The following DDX31 variants were observed in gnomAD, a reference collection of about 807,000 sequenced individuals.
The protein encoded by DDX31 is DEAD-box helicase 31.
DDX31 carries 70 observed loss-of-function variants against 91.3 expected under a neutral mutation model. The ratio of observed to expected loss-of-function variants is 0.77; its 90% CI spans 0.63 to 0.94. The LOEUF is 0.94. DDX31 is among the 40% of genes least tolerant of loss of function. The pLI is 0.00. For synonymous variants in DDX31, 362 were observed against 350.6 expected (o/e 1.03, Z -0.36); for missense variants, 902 against 925.0 (o/e 0.98, Z 0.32).
chr9:132,647,483 A>G (rs1194024447), intron 11 of DDX31, among the ~76,000 whole-genome samples: 1 of 152,176 alleles, frequency 6.6e-6, no homozygotes, highest in African/African-American at 2.4e-5. Flanking sequence ...CATTTCTCAA[A>G]CTTTCTTGAC....
intron 17 of DDX31, among the ~76,000 whole-genome samples, chr9:132,624,658 C>G (rs1003187116): frequency 2.6e-5 from 4 of 152,170 alleles, no homozygotes; most frequent in Non-Finnish European, 5.9e-5. Flanking sequence ...GGGGCCATCA[C>G]CAACTTCTCG....
chr9:132,638,182 C>T, intron 14 of DDX31: 1 of 1,422,172 alleles, frequency 7.0e-7, no homozygotes, highest in South Asian at 1.6e-5. Flanking sequence ...TGACTGCACT[C>T]CATCCAGGGA....
intron 17 of DDX31, among the ~76,000 whole-genome samples, chr9:132,623,782 A>G (rs1186575465): frequency 2.0e-5 from 3 of 152,024 alleles, no homozygotes; most frequent in Non-Finnish European, 4.4e-5. Context: ...ACTCTGCTAC[A>G]CTGCCTCCTC....
intron 5 of DDX31, 119 bp from the exon 6 acceptor site, chr9:132,658,854 G>T: frequency 1.2e-6 from 1 of 864,048 alleles, no homozygotes; most frequent in Non-Finnish European, 1.8e-6. Context: ...TCTAGGGAAA[G>T]GGAAACTGCC....
At chr9:132,611,978 G>A (rs545539027) in intron 19 of DDX31, 109 bp downstream of exon 19, 2 of 1,406,230 alleles carry the variant, frequency 1.4e-6, no homozygotes, top group Non-Finnish European at 1.9e-6. Context: ...ATTGGGAGAA[G>A]GGCAGGTATG....
chr9:132,606,650 T>C (rs981504304), intron 19 of DDX31, among the ~76,000 whole-genome samples: 6 of 152,140 alleles, frequency 3.9e-5, no homozygotes, highest in African/African-American at 1.4e-4. Context: ...GTACCTCCCT[T>C]TGAGGCCAGA....
intron 18 of DDX31, among the ~76,000 whole-genome samples, chr9:132,613,312 A>T (rs1016396102): frequency 6.6e-6 from 1 of 152,286 alleles, no homozygotes; most frequent in Non-Finnish European, 1.5e-5. Flanking sequence ...AAAACTACTA[A>T]GTCTCTAAAA....
At chr9:132,633,056 C>G (rs1832894151) in intron 14 of DDX31, among the ~76,000 whole-genome samples, 1 of 152,210 alleles carries the variant, frequency 6.6e-6, no homozygotes, top group Non-Finnish European at 1.5e-5. Context: ...AGACCTTTAC[C>G]TGCGTTATCT....
At chr9:132,638,236 A>G in intron 14 of DDX31, 3 of 1,579,904 alleles carry the variant, frequency 1.9e-6, no homozygotes, top group Non-Finnish European at 2.6e-6. Context: ...ACCTAATGTC[A>G]GCCTTAAAAT....
chr9:132,669,692 TTAGAGACACGTGTTTCGGC>T (rs1835596888), intron 1 of DDX31, 149 bp downstream of exon 1: 1 of 1,533,572 alleles, frequency 6.5e-7, no homozygotes, highest in South Asian at 1.2e-5. Context: ...GGTGTTCCGG[TTAGAGACACGTGTTTCGGC>T]GCAACTTGTC....
chr9:132,625,271 C>G (rs1394818042), intron 17 of DDX31, among the ~76,000 whole-genome samples: 1 of 152,178 alleles, frequency 6.6e-6, no homozygotes, highest in Non-Finnish European at 1.5e-5. Flanking sequence ...AAAGGAGACA[C>G]AGAGATACTT....
intron 19 of DDX31, among the ~76,000 whole-genome samples, chr9:132,599,992 T>A (rs1401394870): frequency 6.6e-6 from 1 of 152,200 alleles, no homozygotes; most frequent in Non-Finnish European, 1.5e-5. Flanking sequence ...AATGTCTGGG[T>A]AGGGTTTTGG....
In DDX31 at chr9:132,645,980, C is replaced by G; in HGVS notation, c.1295G>C (p.Ser432Thr). 2 of 1,614,120 alleles carry G rather than the reference C, an allele frequency of 1.2e-6. No individual in the cohort carries two copies. The highest frequency in any genetic ancestry group is 1.7e-6 in the Non-Finnish European group (2 of 1,180,004). The change falls in exon 13 of 20, where the codon AGC (serine) becomes ACC (threonine). Residue 432 changes from serine (S) to threonine (T), a missense_variant. Transcript: ENST00000372159. The part of the protein sequence containing the change: ...YSLFLQTLLS[S>T]SGAPASGQLP... ...CTGCCCTGATGCCGGCGCCCCTGAG[C>G]TGCTCAGCAGGGTCTGTAGGAAGAG...
intron 6 of DDX31, among the ~76,000 whole-genome samples, chr9:132,657,547 C>A (rs1213733806): frequency 6.6e-6 from 1 of 152,200 alleles, no homozygotes; most frequent in African/African-American, 2.4e-5. Flanking sequence ...TTTGAACTCA[C>A]GGATATTTTG....
At chr9:132,651,156 C>A in intron 7 of DDX31, 40 bp from the exon 8 acceptor site, 1 of 1,531,728 alleles carries the variant, frequency 6.5e-7, no homozygotes, top group East Asian at 2.3e-5. Flanking sequence ...GAACAGGATC[C>A]CCCTTTTTTT....
intron 6 of DDX31, among the ~76,000 whole-genome samples, chr9:132,655,724 T>C (rs1834519616): frequency 1.3e-5 from 2 of 152,194 alleles, no homozygotes; most frequent in Admixed American, 6.5e-5. Context: ...CCTAAGCCAA[T>C]GGTGCCTTGC....
At chr9:132,659,224 G>A (rs911352195) in intron 5 of DDX31, among the ~76,000 whole-genome samples, 23 of 152,298 alleles carry the variant, frequency 1.5e-4, no homozygotes, top group African/African-American at 5.5e-4. Context: ...AATGGTGGCC[G>A]AGCTGGTGGG....
chr9:132,654,331 C>T (rs929306234), intron 6 of DDX31, among the ~76,000 whole-genome samples: 2 of 152,178 alleles, frequency 1.3e-5, no homozygotes, highest in Non-Finnish European at 2.9e-5. Context: ...ACCAACTTGG[C>T]CAGGCACGGT....
At chr9:132,625,221 G>C (rs1832321841) in intron 17 of DDX31, among the ~76,000 whole-genome samples, 1 of 152,112 alleles carries the variant, frequency 6.6e-6, no homozygotes, top group Non-Finnish European at 1.5e-5. Context: ...TCTGTGGATA[G>C]CACACACACA....
Sources: gnomAD v4.1 joint callset for allele counts (sites outside exome capture counted in the v4.1 genomes callset) on GRCh38, gnomAD v4.1.1 for gene constraint, MANE v1.5 for transcripts, NCBI Gene and HGNC (gene_info 2026-07-23, HGNC 2026-07-21) for gene names.